The following DOCK4 variants were observed in gnomAD, a reference collection of about 807,000 sequenced individuals.
DOCK4 encodes the protein dedicator of cytokinesis protein 4.
Under a neutral mutation model 268.1 loss-of-function variants are expected in DOCK4, and 97 were observed. The observed-to-expected ratio is 0.36, with a 90% confidence interval of 0.31 to 0.43. The LOEUF is 0.43. Ranked by LOEUF, DOCK4 falls within the 20% of genes least tolerant of loss-of-function variation. The pLI, the probability that DOCK4 is intolerant of heterozygous loss-of-function variation, is 1.00. For missense variants in DOCK4, 2,145 were observed against 2,455.7 expected (o/e 0.87, Z 2.67); for synonymous variants, 954 against 887.2 (o/e 1.08, Z -1.34).
chr7:111,905,814 T>C (rs1430721954), intron 13 of DOCK4, among the ~76,000 whole-genome samples: 1 of 152,114 alleles, frequency 6.6e-6, no homozygotes, highest in Admixed American at 6.5e-5. Context: ...AAAGAAAATG[T>C]GTAAATGACT....
rs577610610 is a variant in DOCK4 at position 112,149,036 on chromosome 7, C to A, written c.37+57066G>T. On this transcript the variant is annotated intron_variant, in intron 1 of 52. Coordinates refer to ENST00000428084, the MANE Select transcript of DOCK4 (RefSeq NM_001363540.2). ...CTCTACTGCTTCATCTTGCTCTGTT[C>A]CTAATTATTTGAACTTTTAAAAAAT... 9.2e-5 allele frequency among the ~76,000 whole-genome samples: 14 copies of A among 152,252 alleles called. No homozygotes were observed. In the South Asian group the frequency reaches 2.7e-3, roughly 29 times the overall value.
intron 16 of DOCK4, among the ~76,000 whole-genome samples, chr7:111,877,965 G>C (rs1807052568): frequency 6.6e-6 from 1 of 152,070 alleles, no homozygotes; most frequent in African/African-American, 2.4e-5. Flanking sequence ...ACCAATGCAG[G>C]GCAATGCAAA....
chr7:111,957,915 T>C (rs997591339), intron 8 of DOCK4, among the ~76,000 whole-genome samples: 1 of 152,218 alleles, frequency 6.6e-6, no homozygotes, highest in Admixed American at 6.5e-5. Flanking sequence ...CACATTTATC[T>C]GACAATTTTT....
intron 1 of DOCK4, among the ~76,000 whole-genome samples, chr7:112,132,960 A>G (rs1174436900): frequency 6.6e-6 from 1 of 152,224 alleles, no homozygotes; most frequent in Non-Finnish European, 1.5e-5. Context: ...GACAGAAGTG[A>G]AATGGATGAA....
chr7:112,049,421 T>A (rs972650540), intron 1 of DOCK4, among the ~76,000 whole-genome samples: 15 of 151,844 alleles, frequency 9.9e-5, no homozygotes, highest in African/African-American at 3.4e-4. Flanking sequence ...AGGAAATAAA[T>A]TATAATCATT....
At chr7:111,784,800 G>A (rs1284866605) in intron 32 of DOCK4, among the ~76,000 whole-genome samples, 1 of 152,100 alleles carries the variant, frequency 6.6e-6, no homozygotes, top group East Asian at 1.9e-4. Flanking sequence ...ATAAAAGCAA[G>A]AACATTAAGC....
intron 17 of DOCK4, among the ~76,000 whole-genome samples, chr7:111,874,739 C>T (rs1336188234): frequency 6.6e-6 from 1 of 152,106 alleles, no homozygotes; most frequent in Admixed American, 6.5e-5. Context: ...ATGCCATGAC[C>T]CCTAATCCTC....
intron 1 of DOCK4, among the ~76,000 whole-genome samples, chr7:112,066,514 A>C (rs188339360): frequency 0.017 from 2,287 of 133,834 alleles, 73 homozygotes; most frequent in African/African-American, 0.064. Context: ...CTCTCTCTCT[A>C]TATATATACA....
intron 1 of DOCK4, among the ~76,000 whole-genome samples, chr7:112,069,259 T>C (rs1189181023): frequency 6.6e-6 from 1 of 152,218 alleles, no homozygotes; most frequent in African/African-American, 2.4e-5. Flanking sequence ...ATTGAGTTAT[T>C]GTTGGCACTG....
In DOCK4 at chr7:111,728,491, T is replaced by C. The variant is rs201029504; in HGVS notation, c.5711A>G (p.Lys1904Arg). ...PSYGGEEPVRKESKTPPPYSV... is the reference protein window; with the variant it reads ...PSYGGEEPVRRESKTPPPYSV... ...GTACGGGGGCGGAGTCTTGCTCTCC[T>C]TGCGCACTGGCTCCTCCCCGCCGTA... The change falls in exon 53 of 53, where the codon AAG becomes AGG. Residue 1904 changes from lysine to arginine, a missense_variant. Coordinates refer to ENST00000428084, the MANE Select transcript of DOCK4 (RefSeq NM_001363540.2). The C allele has an allele frequency of 2.5e-5, 40 of 1,613,094 alleles. No homozygotes were observed. In the Admixed American group the frequency reaches 3.3e-4, roughly 13 times the overall value.
intron 1 of DOCK4, among the ~76,000 whole-genome samples, chr7:112,025,602 G>A (rs1190004545): frequency 2.0e-5 from 3 of 151,346 alleles, no homozygotes; most frequent in East Asian, 3.9e-4. Flanking sequence ...CTATCCAAAC[G>A]AAGTCAATCA....
intron 30 of DOCK4, among the ~76,000 whole-genome samples, chr7:111,805,682 GA>G (rs907168770): frequency 6.6e-6 from 1 of 151,978 alleles, no homozygotes; most frequent in East Asian, 1.9e-4. Context: ...CAGTGGAATG[GA>G]AAAAAACAAC....
chr7:111,997,733 T>C (rs867337274), intron 4 of DOCK4, among the ~76,000 whole-genome samples: 1 of 152,232 alleles, frequency 6.6e-6, no homozygotes, highest in Non-Finnish European at 1.5e-5. Context: ...ATCATGTGAA[T>C]AGTCCTTGTG....
At chr7:111,792,045 G>A (rs986655577) in intron 30 of DOCK4, among the ~76,000 whole-genome samples, 2 of 152,376 alleles carry the variant, frequency 1.3e-5, no homozygotes, top group East Asian at 3.9e-4. Context: ...AGGAAAGGAA[G>A]GTGGGGAATG....
rs148067386 is a variant in DOCK4, at chr7:111,894,443, GAC to G, written c.1587+1167_1587+1168del. Among the ~76,000 whole-genome samples the G allele has an allele frequency of 4.3e-3, 650 of 152,252 alleles. 8 individuals carry two copies. The highest frequency in any genetic ancestry group is 0.015 in the African/African-American group (621 of 41,534). On this transcript the variant is annotated intron_variant, in intron 16 of 52. Transcript: ENST00000428084. Reference sequence around the variant, plus strand: ...CTGAGGGATCAACAGATAGTTCTGGGACAGTGTGATGAGAACAATGGTAAGAG... The same window carrying G: ...CTGAGGGATCAACAGATAGTTCTGGGAGTGTGATGAGAACAATGGTAAGAG...
At position 111,728,443 on chromosome 7, in the gene DOCK4, C is replaced by G. The variant is rs370416618; in HGVS notation, c.5759G>C (p.Arg1920Pro). 1 of 1,599,716 alleles carries G rather than the reference C, an allele frequency of 6.3e-7. No homozygotes were observed. The highest frequency in any genetic ancestry group is 8.5e-7 in the Non-Finnish European group (1 of 1,172,308). Residue 1920 changes from arginine (R) to proline (P), a missense_variant, in exon 53 of 53, where the codon CGG becomes CCG. Coordinates refer to ENST00000428084, the MANE Select transcript of DOCK4 (RefSeq NM_001363540.2). ...GCTGTGAGGTAGCGGGACGGGGCGC[C>G]GCAGAGTCCGCTCGTAGACGCTGTA... Reference protein sequence around the residue: ...PPYSVYERTLRRPVPLPHSLS... With the variant: ...PPYSVYERTLPRPVPLPHSLS...
At chr7:111,788,436 G>A (rs1799319500) in intron 32 of DOCK4, 1 of 549,870 alleles carries the variant, frequency 1.8e-6, no homozygotes, top group South Asian at 2.4e-5. Flanking sequence ...TATGCAACCT[G>A]TCCTAATCAG....
At chr7:112,041,859 C>T (rs1010992298) in intron 1 of DOCK4, among the ~76,000 whole-genome samples, 1 of 152,160 alleles carries the variant, frequency 6.6e-6, no homozygotes, top group African/African-American at 2.4e-5. Context: ...CCCAGCCTGC[C>T]CCTTTTGCAT....
rs148645469 is a variant in DOCK4 at position 111,822,050 on chromosome 7, G to C, written c.2930+312C>G. Reference sequence around the variant, plus strand: ...GAACAGTGTGTATATTACATTACCTGCTGGTCTCTGTATAAAGGAACACTA... The same window carrying C: ...GAACAGTGTGTATATTACATTACCTCCTGGTCTCTGTATAAAGGAACACTA... On this transcript the variant is annotated intron_variant, in intron 27 of 52. Transcript: ENST00000428084. Among the ~76,000 whole-genome samples the C allele has an allele frequency of 1.6e-3, 241 of 152,294 alleles. 1 individual carries two copies. The highest frequency in any genetic ancestry group is 2.9e-3 in the Non-Finnish European group (200 of 68,026).
Sources: gnomAD v4.1 joint callset for allele counts (sites outside exome capture counted in the v4.1 genomes callset) on GRCh38, gnomAD v4.1.1 for gene constraint, MANE v1.5 for transcripts, NCBI Gene and HGNC (gene_info 2026-07-23, HGNC 2026-07-21) for gene names.